The following ASRGL1 variants were observed in gnomAD, a reference collection of about 807,000 sequenced individuals.
The protein encoded by ASRGL1 is asparaginase and isoaspartyl peptidase 1.
ASRGL1 carries 16 observed loss-of-function variants against 22.4 expected under a neutral mutation model. That is an observed-to-expected ratio of 0.71 (90% CI 0.48 to 1.08). The LOEUF (loss-of-function observed/expected upper bound fraction) is 1.08. Ranked by LOEUF, ASRGL1 falls within the 50% of genes least tolerant of loss-of-function variation. The pLI is 0.00. For synonymous variants in ASRGL1, 165 were observed against 159.3 expected (o/e 1.04, Z -0.27); for missense variants, 412 against 410.1 (o/e 1.00, Z -0.04).
intron 4 of ASRGL1, chr11:62,382,100 A>C (rs1164955156): frequency 6.6e-6 from 1 of 152,256 alleles, no homozygotes; most frequent in African/African-American, 2.4e-5. Flanking sequence ...CATCCTGGCT[A>C]ACAGGGTGAA....
At chr11:62,340,851 A>C (rs1269165245) in intron 2 of ASRGL1, among the ~76,000 whole-genome samples, 1 of 152,210 alleles carries the variant, frequency 6.6e-6, no homozygotes, top group Non-Finnish European at 1.5e-5. Flanking sequence ...ACTTCATACA[A>C]AAAGCTGACT....
intron 4 of ASRGL1, chr11:62,373,088 A>G: frequency 1.4e-6 from 2 of 1,467,250 alleles, no homozygotes; most frequent in Non-Finnish European, 1.9e-6. Flanking sequence ...TGGGCTACTC[A>G]CACTCCTTGG....
chr11:62,375,757 ATAAT>A (rs2134669097), intron 4 of ASRGL1, among the ~76,000 whole-genome samples: 1 of 151,850 alleles, frequency 6.6e-6, no homozygotes, highest in South Asian at 2.1e-4. Flanking sequence ...GCCCAGTGGT[ATAAT>A]TAGCTGCAGC....
chr11:62,353,359 T>TA (rs398016290), intron 2 of ASRGL1, among the ~76,000 whole-genome samples: 3 of 151,180 alleles, frequency 2.0e-5, no homozygotes, highest in Non-Finnish European at 4.4e-5. Flanking sequence ...TTTTTTTTTT[T>TA]AAAGGGACAG....
chr11:62,345,034 T>A (rs1945979744), intron 2 of ASRGL1, among the ~76,000 whole-genome samples: 1 of 152,238 alleles, frequency 6.6e-6, no homozygotes. Flanking sequence ...ATCCATGTTG[T>A]TGCAAATGAC....
chr11:62,401,077 C>T, the ASRGL1 span, among the ~76,000 whole-genome samples: 2 of 152,234 alleles, frequency 1.3e-5, no homozygotes, highest in African/African-American at 4.8e-5. Flanking sequence ...CAGGGCCAGA[C>T]CACAGGGCAG....
Position 62,392,689 on chromosome 11 carries a change from G to A in ASRGL1, c.*405G>A. On this transcript the variant is annotated 3_prime_UTR_variant, in exon 7 of 7. Coordinates refer to ENST00000415229, the MANE Select transcript of ASRGL1 (RefSeq NM_001083926.2). ...TGGGCTGGAAGGTGGGAAGGGAGGG[G>A]CCGGTGGAGGTGGAGCTGTTTGAAA... 1 of 229,610 alleles carries A rather than the reference G, an allele frequency of 4.4e-6. No homozygotes were observed. Among genetic ancestry groups the A allele is most frequent in the Non-Finnish European group, 8.7e-6 (1 of 115,512 alleles). 14.2% of individuals were successfully genotyped at this position (229,610 alleles called of 1,614,324 possible). A position where few individuals can be genotyped will look rare whatever the true frequency, so the allele number is the denominator to read the frequency against.
intron 4 of ASRGL1, among the ~76,000 whole-genome samples, chr11:62,369,798 A>T (rs1218143818): frequency 6.6e-6 from 1 of 152,134 alleles, no homozygotes; most frequent in African/African-American, 2.4e-5. Context: ...AGTGATGCTC[A>T]GACTCATTAT....
chr11:62,378,641 C>G (rs1217362312), intron 4 of ASRGL1, among the ~76,000 whole-genome samples: 1 of 152,170 alleles, frequency 6.6e-6, no homozygotes. Flanking sequence ...GGTTGAATTA[C>G]GGCATTTACG....
At chr11:62,346,806 C>T (rs1351327574) in intron 2 of ASRGL1, among the ~76,000 whole-genome samples, 1 of 138,208 alleles carries the variant, frequency 7.2e-6, no homozygotes, top group African/African-American at 2.5e-5. Flanking sequence ...CCCATCTCTA[C>T]TAAAACTACA....
intron 4 of ASRGL1, among the ~76,000 whole-genome samples, chr11:62,369,250 G>A (rs1946698461): frequency 6.6e-6 from 1 of 152,086 alleles, no homozygotes; most frequent in Non-Finnish European, 1.5e-5. Flanking sequence ...TTTTAACAAA[G>A]TACATCCTGT....
intron 4 of ASRGL1, among the ~76,000 whole-genome samples, chr11:62,364,840 G>C (rs983738157): frequency 7.9e-5 from 12 of 152,026 alleles, no homozygotes; most frequent in African/African-American, 2.9e-4. Flanking sequence ...AGGCTGAGGC[G>C]GGCAGATCAC....
At chr11:62,398,264 C>T (rs1416342963), downstream of ASRGL1, among the ~76,000 whole-genome samples, 1 of 150,694 alleles carries the variant, frequency 6.6e-6, no homozygotes, top group African/African-American at 2.5e-5. Context: ...TGCGCCACCA[C>T]CAGGAAAGGA....
At chr11:62,373,139 C>G (rs1946819893) in intron 4 of ASRGL1, 1 of 1,422,116 alleles carries the variant, frequency 7.0e-7, no homozygotes, top group Non-Finnish European at 9.9e-7. Flanking sequence ...AAGAAAAGAT[C>G]AAGAAACTGC....
chr11:62,338,383 A>G, intron 2 of ASRGL1: 4 of 507,712 alleles, frequency 7.9e-6, no homozygotes, highest in Middle Eastern at 1.0e-3. Flanking sequence ...TGAGTGACCA[A>G]TGGCCTCTGA....
intron 1 of ASRGL1, 149 bp from the exon 2 acceptor site, chr11:62,337,741 C>T (rs1590695920): frequency 1.7e-5 from 5 of 295,872 alleles, no homozygotes; most frequent in Non-Finnish European, 2.7e-5. Flanking sequence ...AAACTGAGAC[C>T]CCCAGCAGGT....
At chr11:62,372,507 G>T in intron 4 of ASRGL1, 1 of 1,163,306 alleles carries the variant, frequency 8.6e-7, no homozygotes, top group Non-Finnish European at 1.3e-6. Flanking sequence ...CCCGGGCACA[G>T]CAGATAGAGT....
intron 4 of ASRGL1, among the ~76,000 whole-genome samples, chr11:62,373,346 T>C (rs1436182213): frequency 6.6e-6 from 1 of 152,170 alleles, no homozygotes; most frequent in Non-Finnish European, 1.5e-5. Context: ...GTTAACTACC[T>C]TTTTTTCTGT....
chr11:62,399,501 G>T, the ASRGL1 span, among the ~76,000 whole-genome samples: 1 of 152,164 alleles, frequency 6.6e-6, no homozygotes, highest in African/African-American at 2.4e-5. Context: ...CCCTGGCAAG[G>T]GGCTTCATTT....
Sources: allele counts gnomAD v4.1 joint callset (sites outside exome capture counted in the v4.1 genomes callset), GRCh38; gene constraint gnomAD v4.1.1; transcripts MANE v1.5; gene names NCBI Gene and HGNC (gene_info 2026-07-23, HGNC 2026-07-21).